Variants in PEAK1 observed in about 807,000 individuals in gnomAD.
PEAK1 encodes the protein pseudopodium enriched atypical kinase 1.
In PEAK1, 54 loss-of-function variants were observed where a neutral mutation model predicts 124.7. The ratio of observed to expected loss-of-function variants is 0.43; its 90% CI spans 0.35 to 0.54. The LOEUF is 0.54. Ranked by LOEUF, PEAK1 falls within the 20% of genes least tolerant of loss-of-function variation. The pLI, the probability that PEAK1 is intolerant of heterozygous loss-of-function variation, is 0.01. For synonymous variants in PEAK1, 719 were observed against 760.0 expected, an observed-to-expected ratio of 0.95 and a Z score of 0.89; for missense variants, 2,046 against 2,134.5, an observed-to-expected ratio of 0.96 and a Z score of 0.82.
At chr15:77,120,753 C>T (rs916292845) in intron 9 of PEAK1, among the ~76,000 whole-genome samples, 7 of 152,216 alleles carry the variant, frequency 4.6e-5, no homozygotes, top group African/African-American at 1.4e-4. Flanking sequence ...TCCGCTTTAT[C>T]CTCATAGGAG....
At chr15:77,299,537 G>C (rs1457058154) in intron 2 of PEAK1, among the ~76,000 whole-genome samples, 1 of 152,102 alleles carries the variant, frequency 6.6e-6, no homozygotes, top group Non-Finnish European at 1.5e-5. Context: ...ATCCAATAGG[G>C]TATTATGAGA....
At chr15:77,407,942 TACAC>T (rs1372567777) in intron 1 of PEAK1, among the ~76,000 whole-genome samples, 1 of 81,648 alleles carries the variant, frequency 1.2e-5, no homozygotes, top group Non-Finnish European at 3.7e-5. Context: ...CACACATATA[TACAC>T]ATATACACAC....
chr15:77,345,968 T>A (rs760272556), intron 2 of PEAK1: 7 of 985,180 alleles, frequency 7.1e-6, no homozygotes, highest in Non-Finnish European at 6.0e-6. Flanking sequence ...TCTATCATGG[T>A]CAAAAAGAAT....
At chr15:77,344,607 G>A (rs1018598741) in intron 2 of PEAK1, among the ~76,000 whole-genome samples, 1 of 152,188 alleles carries the variant, frequency 6.6e-6, no homozygotes, top group Non-Finnish European at 1.5e-5. Context: ...AGAAGTCATT[G>A]GGATTTTGAT....
At chr15:77,367,672 A>T (rs573781524) in intron 1 of PEAK1, among the ~76,000 whole-genome samples, 98 of 152,366 alleles carry the variant, frequency 6.4e-4, no homozygotes, top group African/African-American at 2.3e-3. Context: ...TAAATATTAC[A>T]TAGGTAGTTT....
chr15:77,289,418 AG>A (rs1228119793), intron 2 of PEAK1, among the ~76,000 whole-genome samples: 1 of 152,258 alleles, frequency 6.6e-6, no homozygotes, highest in African/African-American at 2.4e-5. Context: ...CTAGAACATT[AG>A]GTTGCTCCAA....
At chr15:77,313,680 G>GTATATA (rs1567244732) in intron 2 of PEAK1, among the ~76,000 whole-genome samples, 1 of 117,840 alleles carries the variant, frequency 8.5e-6, no homozygotes, top group African/African-American at 4.1e-5. Flanking sequence ...GTGTGTGTGT[G>GTATATA]TGTGTGTGTG....
chr15:77,234,771 GA>G (rs1309584891), intron 6 of PEAK1, among the ~76,000 whole-genome samples: 1 of 151,790 alleles, frequency 6.6e-6, no homozygotes, highest in East Asian at 1.9e-4. Flanking sequence ...GAGTAGCTAG[GA>G]CTACAGGTAT....
intron 7 of PEAK1, among the ~76,000 whole-genome samples, chr15:77,176,700 A>G (rs1029294351): frequency 1.3e-5 from 2 of 152,260 alleles, no homozygotes. Flanking sequence ...AAAGCTGTAT[A>G]GTAAGAGGTC....
chr15:77,157,713 T>C (rs547278812), intron 8 of PEAK1: 3 of 152,276 alleles, frequency 2.0e-5, no homozygotes, highest in African/African-American at 7.2e-5. Context: ...TATCCAATCT[T>C]GTGTATTTTT....
At chr15:77,122,113 A>G (rs998588754) in intron 9 of PEAK1, among the ~76,000 whole-genome samples, 4 of 152,164 alleles carry the variant, frequency 2.6e-5, no homozygotes, top group African/African-American at 7.2e-5. Context: ...TGTTACAACT[A>G]TATTCAAAAT....
chr15:77,144,228 A>G (rs1302333282), intron 8 of PEAK1, among the ~76,000 whole-genome samples: 2 of 152,154 alleles, frequency 1.3e-5, no homozygotes, highest in African/African-American at 2.4e-5. Flanking sequence ...CTTATCTACC[A>G]CTATTTCTCA....
chr15:77,350,219 A>G (rs1597394944), intron 2 of PEAK1: 2 of 985,340 alleles, frequency 2.0e-6, no homozygotes, highest in East Asian at 2.3e-4. Flanking sequence ...GAGAACACAA[A>G]AGAACAATAA....
At chr15:77,168,233 G>A (rs890379563) in intron 7 of PEAK1, among the ~76,000 whole-genome samples, 5 of 50,550 alleles carry the variant, frequency 9.9e-5, no homozygotes, top group African/African-American at 3.2e-4. Context: ...ATGCATGTGC[G>A]CGCGCACACA....
chr15:77,239,452 C>T (rs1324866812), intron 6 of PEAK1, among the ~76,000 whole-genome samples: 1 of 152,142 alleles, frequency 6.6e-6, no homozygotes, highest in Non-Finnish European at 1.5e-5. Context: ...GCAAAAACAA[C>T]ATTTTGAGCC....
At chr15:77,207,840 C>T (rs1004225951) in intron 6 of PEAK1, among the ~76,000 whole-genome samples, 1 of 152,154 alleles carries the variant, frequency 6.6e-6, no homozygotes, top group East Asian at 1.9e-4. Flanking sequence ...CTATGGACTT[C>T]GGTTGATAAA....
At position 77,108,208 on chromosome 15, in the gene PEAK1, C is replaced by T. The variant is rs748004046; in HGVS notation, c.*5948G>A. On this transcript the variant is annotated 3_prime_UTR_variant, in exon 10 of 10. Coordinates refer to ENST00000682557, the MANE Select transcript of PEAK1 (RefSeq NM_001385026.1). ...TTATTTACACAGTAACATGATGCCACGGAGTACACAGCAAAGTACCACAGC... is the reference window on the plus strand; with the variant it reads ...TTATTTACACAGTAACATGATGCCATGGAGTACACAGCAAAGTACCACAGC... 4 of 152,316 alleles carry T rather than the reference C, an allele frequency of 2.6e-5. No individual in the cohort carries two copies. The highest frequency in any genetic ancestry group is 2.9e-5 in the Non-Finnish European group (2 of 68,028). 9.4% of individuals were successfully genotyped at this position (152,316 alleles called of 1,614,324 possible).
chr15:77,235,521 A>G (rs1397187609), intron 6 of PEAK1, among the ~76,000 whole-genome samples: 2 of 152,208 alleles, frequency 1.3e-5, no homozygotes, highest in Non-Finnish European at 2.9e-5. Context: ...TATCTGGCAG[A>G]AGAAATTTCT....
intron 2 of PEAK1, among the ~76,000 whole-genome samples, chr15:77,325,300 T>A (rs1394894237): frequency 6.6e-6 from 1 of 151,884 alleles, no homozygotes; most frequent in Non-Finnish European, 1.5e-5. Context: ...TTCCCAGCTA[T>A]TCAGGAGGCT....
Sources: allele counts gnomAD v4.1 joint callset (sites outside exome capture counted in the v4.1 genomes callset), GRCh38; gene constraint gnomAD v4.1.1; transcripts MANE v1.5; gene names NCBI Gene and HGNC (gene_info 2026-07-23, HGNC 2026-07-21).